Variants in HMBOX1 observed in about 807,000 individuals in gnomAD.
The protein encoded by HMBOX1 is homeobox-containing protein 1.
In HMBOX1, 14 loss-of-function variants were observed where a neutral mutation model predicts 54.5. The observed-to-expected ratio is 0.26, with a 90% CI of 0.17 to 0.40. HMBOX1 has a LOEUF of 0.40. HMBOX1 is among the 10% of genes least tolerant of loss of function. The probability of loss-of-function intolerance (pLI) is 1.00; values close to 1 mark genes in which losing one functional copy is unlikely to be tolerated. For missense variants in HMBOX1, 332 were observed against 514.4 expected (o/e 0.65, Z 3.43); for synonymous variants, 160 against 181.0 (o/e 0.88, Z 0.93).
intron 1 of HMBOX1, among the ~76,000 whole-genome samples, chr8:28,905,649 T>G (rs373483630): frequency 6.4e-4 from 97 of 152,344 alleles, no homozygotes; most frequent in African/African-American, 2.0e-3. Context: ...TTTCGGTTCC[T>G]TTCATGAAAT....
chr8:28,955,925 C>T (rs1317671644), intron 1 of HMBOX1: 1 of 136,078 alleles, frequency 7.3e-6, no homozygotes, highest in Non-Finnish European at 1.5e-5. Flanking sequence ...TGCAGTCCAA[C>T]TTGGGCGACA....
intron 3 of HMBOX1, among the ~76,000 whole-genome samples, chr8:28,977,440 ATT>A (rs887999432): frequency 1.3e-4 from 20 of 152,172 alleles, no homozygotes; most frequent in Admixed American, 1.2e-3. Flanking sequence ...AAACCAAATG[ATT>A]TGTTTTATTT....
At chr8:28,901,780 T>G (rs750365075) in intron 1 of HMBOX1, among the ~76,000 whole-genome samples, 1 of 152,228 alleles carries the variant, frequency 6.6e-6, no homozygotes, top group African/African-American at 2.4e-5. Context: ...TCTTATTTTC[T>G]TATTCCAGAA....
chr8:29,032,935 CAAA>C (rs1803239849), intron 6 of HMBOX1, among the ~76,000 whole-genome samples: 1 of 151,672 alleles, frequency 6.6e-6, no homozygotes, highest in African/African-American at 2.4e-5. Flanking sequence ...TAATAATAAT[CAAA>C]AGATTTAAAG....
chr8:29,040,897 T>C (rs1400477958), intron 6 of HMBOX1, among the ~76,000 whole-genome samples: 1 of 152,186 alleles, frequency 6.6e-6, no homozygotes, highest in Non-Finnish European at 1.5e-5. Flanking sequence ...GTACAAAAAT[T>C]ATGTATACCA....
rs1229542241 is a variant in HMBOX1 at position 28,929,964 on chromosome 8, G to C, written c.-57-33847G>C. ...CCCCCGCCCCGCCAATGGAGACTCT[G>C]TAATCATAAGTCACTCCTCATTCCT... On this transcript the variant is annotated intron_variant, in intron 1 of 9. Coordinates refer to ENST00000287701, the MANE Select transcript of HMBOX1 (RefSeq NM_001135726.3). Among the ~76,000 whole-genome samples the C allele has an allele frequency of 2.5e-5, 3 of 120,988 alleles. No individual in the cohort carries two copies. In the East Asian group the frequency reaches 6.8e-4, roughly 28 times the overall value. 79.4% of individuals were successfully genotyped at this position (120,988 alleles called of 152,430 possible).
chr8:28,996,818 T>C (rs753143673), intron 4 of HMBOX1, among the ~76,000 whole-genome samples: 13 of 152,262 alleles, frequency 8.5e-5, no homozygotes, highest in Non-Finnish European at 1.3e-4. Flanking sequence ...TATATTAATG[T>C]GGATATCCAC....
intron 5 of HMBOX1, among the ~76,000 whole-genome samples, chr8:29,018,380 A>G (rs1376577281): frequency 6.6e-6 from 1 of 152,212 alleles, no homozygotes; most frequent in Non-Finnish European, 1.5e-5. Flanking sequence ...AGGTAGACCT[A>G]TGGAGACCTG....
At chr8:28,919,222 CA>C (rs779992865) in intron 1 of HMBOX1, among the ~76,000 whole-genome samples, 2 of 152,192 alleles carry the variant, frequency 1.3e-5, no homozygotes, top group Non-Finnish European at 2.9e-5. Context: ...TGCTGATGTT[CA>C]AGTCCCTTAG....
intron 2 of HMBOX1, among the ~76,000 whole-genome samples, chr8:28,964,808 G>A (rs1826171535): frequency 7.8e-6 from 1 of 128,610 alleles, no homozygotes; most frequent in South Asian, 2.4e-4. Context: ...CCGACTTTCT[G>A]CTAAGTAGCT....
chr8:28,893,844 C>A (rs1435840498), intron 1 of HMBOX1, among the ~76,000 whole-genome samples: 1 of 152,198 alleles, frequency 6.6e-6, no homozygotes. Flanking sequence ...GTATTCAGCA[C>A]ATCCCACATT....
intron 1 of HMBOX1, among the ~76,000 whole-genome samples, chr8:28,938,959 C>T (rs1820866479): frequency 2.0e-5 from 3 of 152,092 alleles, no homozygotes. Flanking sequence ...GAGTTTCAGA[C>T]CAACCTGGGC....
At chr8:29,008,821 A>C (rs932424903) in intron 4 of HMBOX1, among the ~76,000 whole-genome samples, 2 of 152,110 alleles carry the variant, frequency 1.3e-5, no homozygotes, top group Non-Finnish European at 2.9e-5. Context: ...TTTTTTGGAG[A>C]TTAATTTTAG....
At chr8:28,899,089 T>A (rs1344218692) in intron 1 of HMBOX1, among the ~76,000 whole-genome samples, 2 of 152,184 alleles carry the variant, frequency 1.3e-5, no homozygotes, top group African/African-American at 4.8e-5. Context: ...CTCCTATAAT[T>A]TAAGATTTGC....
At chr8:28,962,368 G>A (rs575412317) in intron 1 of HMBOX1, among the ~76,000 whole-genome samples, 22 of 152,222 alleles carry the variant, frequency 1.4e-4, no homozygotes, top group African/African-American at 5.1e-4. Context: ...TGAAATGAGG[G>A]TCTTTGATGA....
chr8:28,983,726 G>C (rs941559113), intron 4 of HMBOX1, among the ~76,000 whole-genome samples: 1 of 152,178 alleles, frequency 6.6e-6, no homozygotes, highest in Non-Finnish European at 1.5e-5. Flanking sequence ...AATTTGTCCA[G>C]TGTGACTTTC....
At chr8:28,944,130 C>T (rs1821973600) in intron 1 of HMBOX1, among the ~76,000 whole-genome samples, 1 of 152,192 alleles carries the variant, frequency 6.6e-6, no homozygotes, top group South Asian at 2.1e-4. Flanking sequence ...TTCAGTTCTG[C>T]ATATCATCAT....
chr8:28,932,422 T>C (rs1258165497), intron 1 of HMBOX1, among the ~76,000 whole-genome samples: 1 of 152,216 alleles, frequency 6.6e-6, no homozygotes, highest in East Asian at 1.9e-4. Context: ...GAGGGATTAG[T>C]AGACACTGAT....
At chr8:29,024,320 A>G (rs1047104108) in intron 6 of HMBOX1, among the ~76,000 whole-genome samples, 1 of 152,216 alleles carries the variant, frequency 6.6e-6, no homozygotes, top group Admixed American at 6.5e-5. Context: ...AAGGCATTAT[A>G]ATGTTAGGAG....
Sources: gnomAD v4.1 joint callset for allele counts (sites outside exome capture counted in the v4.1 genomes callset) on GRCh38, gnomAD v4.1.1 for gene constraint, MANE v1.5 for transcripts, NCBI Gene and HGNC (gene_info 2026-07-23, HGNC 2026-07-21) for gene names.